IP6K2: variants seen among roughly 807,000 people sequenced by gnomAD.
IP6K2 encodes the protein inositol hexakisphosphate kinase 2, also known as ATP:1D-myo-inositol-hexakisphosphate phosphotransferase.
Under a neutral mutation model 43.3 loss-of-function variants are expected in IP6K2, and 9 were observed. The ratio of observed to expected loss-of-function variants is 0.21; its 90% CI spans 0.13 to 0.36. IP6K2 has a LOEUF of 0.36. IP6K2 is among the 10% of genes least tolerant of loss of function. The pLI is 1.00. For missense variants in IP6K2, 332 were observed against 538.4 expected (o/e 0.62, Z 3.79); for synonymous variants, 209 against 202.4 (o/e 1.03, Z -0.28).
At chr3:48,696,217 A>G (rs2106843822) in intron 1 of IP6K2, among the ~76,000 whole-genome samples, 1 of 152,148 alleles carries the variant, frequency 6.6e-6, no homozygotes, top group Admixed American at 6.6e-5. Context: ...GCATTTAAAT[A>G]CAGGGAAAAC....
chr3:48,709,488 G>C (rs555336549), intron 1 of IP6K2, among the ~76,000 whole-genome samples: 1 of 152,172 alleles, frequency 6.6e-6, no homozygotes, highest in Non-Finnish European at 1.5e-5. Flanking sequence ...TGCAGTCAGT[G>C]TTCTTCCAGA....
intron 2 of IP6K2, chr3:48,694,670 A>C: frequency 6.6e-7 from 1 of 1,506,752 alleles, no homozygotes; most frequent in Non-Finnish European, 8.8e-7. Flanking sequence ...ATTCCATCTG[A>C]CTCAACGCTG....
chr3:48,689,214 G>C (rs975220302), intron 5 of IP6K2, among the ~76,000 whole-genome samples: 1 of 152,166 alleles, frequency 6.6e-6, no homozygotes, highest in South Asian at 2.1e-4. Flanking sequence ...GTGCAATGGC[G>C]TGATCTCAGC....
chr3:48,690,350 A>G (rs554238137), intron 4 of IP6K2, among the ~76,000 whole-genome samples: 2 of 152,308 alleles, frequency 1.3e-5, no homozygotes, highest in South Asian at 2.1e-4. Flanking sequence ...AAAAATAGAT[A>G]AAAGGCTAGG....
At chr3:48,697,488 A>ATTTTTTTTTTTTTTT (rs35746542) in intron 1 of IP6K2, among the ~76,000 whole-genome samples, 12 of 64,320 alleles carry the variant, frequency 1.9e-4, no homozygotes, top group Admixed American at 2.4e-4. Context: ...ATGCCTGGCT[A>ATTTTTTTTTTTTTTT]TTTTTTTTTT....
At chr3:48,702,712 C>G (rs548153753) in intron 1 of IP6K2, among the ~76,000 whole-genome samples, 8 of 152,274 alleles carry the variant, frequency 5.3e-5, no homozygotes, top group Admixed American at 3.9e-4. Flanking sequence ...CACTTATCAC[C>G]GTCTGACATA....
chr3:48,694,686 C>G lies in IP6K2; in HGVS notation c.202+404G>C. 3 of 1,505,928 alleles carry G rather than the reference C, an allele frequency of 2.0e-6. No individual in the cohort carries two copies. The South Asian group carries it at 3.9e-5, about 20-fold the overall frequency. The allele number at this position is 1,505,928 out of a possible 1,614,324, so 93.3% of individuals were successfully genotyped here. ...TTCCATCTGACTCAACGCTGCTCCC[C>G]GGCCTACCTAATTACCCGGGCTTCT... is the stretch of plus-strand genomic sequence containing the variant. On this transcript the variant is annotated intron_variant, in intron 2 of 5. Coordinates refer to ENST00000328631, the MANE Select transcript of IP6K2 (RefSeq NM_016291.4).
chr3:48,693,485 A>G lies in IP6K2; in HGVS notation c.203-306T>C, dbSNP rs562640254. On this transcript the variant is annotated intron_variant, in intron 2 of 5. Coordinates refer to ENST00000328631, the MANE Select transcript of IP6K2 (RefSeq NM_016291.4). ...TGAAAATGTTTATTAATTTTTATGT[A>G]ATTCTTCTAATCCTAAAAGACTGAA... 9 of 1,299,784 alleles carry G rather than the reference A, an allele frequency of 6.9e-6. No homozygotes were observed. In the African/African-American group the frequency reaches 1.3e-4, roughly 19 times the overall value. The allele number at this position is 1,299,784 out of a possible 1,614,324, so 80.5% of individuals were successfully genotyped here. A position where few individuals can be genotyped will look rare whatever the true frequency, so the allele number is the denominator to read the frequency against.
chr3:48,715,288 A>T, intron 1 of IP6K2: 1 of 1,536,078 alleles, frequency 6.5e-7, no homozygotes, highest in Non-Finnish European at 8.7e-7. Flanking sequence ...CATCCTCTTT[A>T]TGAGCCAAAC....
At position 48,688,495 on chromosome 3, in the gene IP6K2, C is replaced by T; in HGVS notation, c.1059G>A (p.Glu353=). The change falls in exon 6 of 6, where the codon GAG becomes GAA. Residue 353 remains glutamate (E), a synonymous_variant. Coordinates refer to ENST00000328631, the MANE Select transcript of IP6K2 (RefSeq NM_016291.4). This position sits in a 1 kb window ranked among gnomAD's most constrained non-coding sequence, Gnocchi z 5.1. ...VVLDSDAEDL[E]DLSEESADES... ...CATCAGCTGATTCCTCTGACAGGTC[C>T]TCCAAATCCTCAGCATCTGAGTCCA... 6.8e-6 allele frequency: 11 copies of T among 1,614,234 alleles called. No homozygotes were observed. The highest frequency in any genetic ancestry group is 9.3e-6 in the Non-Finnish European group (11 of 1,180,044).
chr3:48,708,951 C>A (rs1352062002), intron 1 of IP6K2, among the ~76,000 whole-genome samples: 1 of 152,082 alleles, frequency 6.6e-6, no homozygotes, highest in East Asian at 1.9e-4. Flanking sequence ...GCCTGTTGTC[C>A]CAGCTACTCG....
chr3:48,695,239 A>G lies in IP6K2; in HGVS notation c.53T>C (p.Leu18Pro). Residue 18 changes from leucine to proline, a missense_variant, in exon 2 of 6, where the codon CTT becomes CCT. Physicochemically the swap from Leu to Pro is moderately conservative, Grantham distance 98 (BLOSUM62 -3). Coordinates refer to ENST00000328631, the MANE Select transcript of IP6K2 (RefSeq NM_016291.4). This position sits in a 1 kb window ranked among gnomAD's most constrained non-coding sequence, Gnocchi z 4.6. ...GACCTGGTGGACAAAGGGCTCCAGA[A>G]GGACGCCTTTGGCGCGGGGCTCCAC... The part of the protein sequence containing the change: ...MDVEPRAKGV[L>P]LEPFVHQVGG... The G allele has an allele frequency of 6.3e-7, 1 of 1,578,618 alleles. No homozygotes were observed. Among genetic ancestry groups the G allele is most frequent in the Non-Finnish European group, 8.6e-7 (1 of 1,156,524 alleles).
chr3:48,694,160 T>A, intron 2 of IP6K2: 2 of 1,547,378 alleles, frequency 1.3e-6, no homozygotes, highest in Non-Finnish European at 8.7e-7. Flanking sequence ...CAGGCCACAC[T>A]TCCCTGTGGC....
chr3:48,707,170 A>C (rs927726279), intron 1 of IP6K2, among the ~76,000 whole-genome samples: 1 of 152,092 alleles, frequency 6.6e-6, no homozygotes, highest in African/African-American at 2.4e-5. Context: ...ATATCCTCCA[A>C]CTCTGAGCAC....
At chr3:48,710,194 C>A (rs2080321311) in intron 1 of IP6K2, among the ~76,000 whole-genome samples, 1 of 152,114 alleles carries the variant, frequency 6.6e-6, no homozygotes, top group Non-Finnish European at 1.5e-5. Flanking sequence ...TGAGACCAGC[C>A]TGGGCAACAC....
intron 1 of IP6K2, among the ~76,000 whole-genome samples, chr3:48,703,280 T>A (rs1412491685): frequency 6.6e-6 from 1 of 152,224 alleles, no homozygotes; most frequent in Non-Finnish European, 1.5e-5. Flanking sequence ...ACTTTCAAAA[T>A]GTGGCTACAA....
chr3:48,695,626 G>T lies in IP6K2; in HGVS notation c.-130-205C>A. The T allele has an allele frequency of 1.8e-6, 1 of 543,460 alleles. No individual in the cohort carries two copies. Among genetic ancestry groups the T allele is most frequent in the Non-Finnish European group, 2.8e-6 (1 of 357,354 alleles). 33.7% of individuals were successfully genotyped at this position (543,460 alleles called of 1,614,324 possible). Reference sequence around the variant, plus strand: ...AGCTCATGGGGCGGGGTTAGATGCAGACAGGCAGGGAATGGGTTCAGGGGC... The same window carrying T: ...AGCTCATGGGGCGGGGTTAGATGCATACAGGCAGGGAATGGGTTCAGGGGC... On this transcript the variant is annotated intron_variant, in intron 1 of 5. Coordinates refer to ENST00000328631, the MANE Select transcript of IP6K2 (RefSeq NM_016291.4). This position sits in a 1 kb window ranked among gnomAD's most constrained non-coding sequence, Gnocchi z 4.6.
intron 1 of IP6K2, among the ~76,000 whole-genome samples, chr3:48,701,361 G>A (rs2079011350): frequency 6.6e-6 from 1 of 152,058 alleles, no homozygotes; most frequent in African/African-American, 2.4e-5. Flanking sequence ...GAGCTCAGAA[G>A]TTCGAGGCCA....
At chr3:48,702,718 A>ACATACTCT (rs1261804865) in intron 1 of IP6K2, among the ~76,000 whole-genome samples, 1 of 152,176 alleles carries the variant, frequency 6.6e-6, no homozygotes, top group Non-Finnish European at 1.5e-5. Context: ...TCACCGTCTG[A>ACATACTCT]CATACTCTAC....
Sources: allele counts gnomAD v4.1 joint callset (sites outside exome capture counted in the v4.1 genomes callset), GRCh38; gene constraint gnomAD v4.1.1; non-coding constraint Gnocchi (gnomAD v3.1); transcripts MANE v1.5; gene names NCBI Gene and HGNC (gene_info 2026-07-23, HGNC 2026-07-21).